The following PDHX variants were observed in gnomAD, a reference collection of about 807,000 sequenced individuals.
PDHX encodes pyruvate dehydrogenase complex component X, also known as pyruvate dehydrogenase protein X component, mitochondrial.
A neutral mutation model predicts 55.3 loss-of-function variants in PDHX; 33 were observed. The ratio of observed to expected loss-of-function variants is 0.60; its 90% CI spans 0.45 to 0.80. The LOEUF is 0.80. Ranked by LOEUF, PDHX falls within the 30% of genes least tolerant of loss-of-function variation. The pLI, the probability that PDHX is intolerant of heterozygous loss-of-function variation, is 0.00. For missense variants in PDHX, 622 were observed against 619.9 expected, an observed-to-expected ratio of 1.00 and a Z score of -0.04; for synonymous variants, 226 against 219.4, an observed-to-expected ratio of 1.03 and a Z score of -0.27.
rs904639983 is a variant in PDHX, at chr11:34,948,071, G to A, written c.342+465G>A. ...AAAAGTTCTGCCAGTTATTAGTTAC[G>A]TAATGATAAGCAAATTCTTCATCCC... On this transcript the variant is annotated intron_variant, in intron 3 of 10. Coordinates refer to ENST00000227868, the MANE Select transcript of PDHX (RefSeq NM_003477.3). 2.6e-4 allele frequency among the ~76,000 whole-genome samples: 39 copies of A among 152,250 alleles called. 1 individual carries two copies. Among genetic ancestry groups the A allele is most frequent in the African/African-American group, 7.7e-4 (32 of 41,546 alleles).
At chr11:34,981,462 T>C (rs1190349361) in intron 8 of PDHX, among the ~76,000 whole-genome samples, 27 of 152,158 alleles carry the variant, frequency 1.8e-4, no homozygotes, top group Admixed American at 7.2e-4. Flanking sequence ...AATAAACATA[T>C]GTGTGCATGT....
chr11:34,994,954 G>A lies in PDHX; in HGVS notation c.1288G>A (p.Ala430Thr), dbSNP rs369989142. 44 of 1,613,796 alleles carry A rather than the reference G, an allele frequency of 2.7e-5. No individual in the cohort carries two copies. Among genetic ancestry groups the A allele is most frequent in the Admixed American group, 8.3e-5 (5 of 59,972 alleles). Residue 430 changes from alanine (A) to threonine (T), a missense_variant, in exon 11 of 11, where the codon GCA (alanine) becomes ACA (threonine). By Grantham distance (58) the Ala-to-Thr change is moderately conservative. Coordinates refer to ENST00000227868, the MANE Select transcript of PDHX (RefSeq NM_003477.3). ...LGMFGIDEFT[A>T]VINPPQACIL... The stretch of plus-strand genomic sequence containing the variant: ...GATGTTTGGCATCGACGAATTTACT[G>A]CAGTGATTAACCCTCCTCAGGCCTG...
At chr11:34,968,100 A>G (rs574807729) in intron 6 of PDHX, among the ~76,000 whole-genome samples, 1 of 152,096 alleles carries the variant, frequency 6.6e-6, no homozygotes, top group Non-Finnish European at 1.5e-5. Context: ...GTGAGACCTC[A>G]TCTCTACAAA....
chr11:34,916,192 C>G (rs1287508126), upstream of PDHX: 2 of 1,599,506 alleles, frequency 1.3e-6, no homozygotes, highest in Admixed American at 1.7e-5. Context: ...GGCCTCTCCT[C>G]CTGGGAATAC....
At chr11:34,991,035 C>T (rs192898523) in intron 9 of PDHX, among the ~76,000 whole-genome samples, 2 of 152,258 alleles carry the variant, frequency 1.3e-5, no homozygotes, top group Admixed American at 1.3e-4. Flanking sequence ...TATGATGACT[C>T]AACCTCTGTT....
rs113626065 is a variant in PDHX at position 34,947,815 on chromosome 11, C to T, written c.342+209C>T. Among the ~76,000 whole-genome samples the T allele has an allele frequency of 3.0e-3, 452 of 151,956 alleles. 2 individuals carry two copies. Among genetic ancestry groups the T allele is most frequent in the African/African-American group, 0.01 (426 of 41,432 alleles). On this transcript the variant is annotated intron_variant, in intron 3 of 10. Coordinates refer to ENST00000227868, the MANE Select transcript of PDHX (RefSeq NM_003477.3). ...TATTTTCTAAATTTTCTGTAATGTGCGTTATTTTTATAATGGAATATTAGA... is the reference window on the plus strand; with the variant it reads ...TATTTTCTAAATTTTCTGTAATGTGTGTTATTTTTATAATGGAATATTAGA...
intron 2 of PDHX, among the ~76,000 whole-genome samples, chr11:34,933,041 A>G (rs1207531743): frequency 1.3e-5 from 2 of 152,228 alleles, no homozygotes; most frequent in Admixed American, 6.5e-5. Flanking sequence ...AAAGGATAAA[A>G]TAAAACTTTA....
chr11:34,967,888 T>C (rs541384335), intron 6 of PDHX, among the ~76,000 whole-genome samples: 6 of 152,206 alleles, frequency 3.9e-5, no homozygotes, highest in Non-Finnish European at 7.3e-5. Context: ...TAAGATACTA[T>C]GTATATTGAG....
intron 2 of PDHX, among the ~76,000 whole-genome samples, chr11:34,934,904 A>G (rs1006442714): frequency 2.0e-5 from 3 of 148,262 alleles, no homozygotes; most frequent in Non-Finnish European, 3.0e-5. Flanking sequence ...TTAAAGGTTT[A>G]ATAATATTTT....
At chr11:34,924,268 G>A (rs1565147535) in intron 1 of PDHX, among the ~76,000 whole-genome samples, 1 of 152,092 alleles carries the variant, frequency 6.6e-6, no homozygotes, top group African/African-American at 2.4e-5. Context: ...TTTAGATGGA[G>A]CCTTACTCTG....
intron 8 of PDHX, among the ~76,000 whole-genome samples, chr11:34,979,616 AATT>A (rs1855461442): frequency 6.6e-6 from 1 of 152,184 alleles, no homozygotes; most frequent in Non-Finnish European, 1.5e-5. Flanking sequence ...AGCAGTATCT[AATT>A]ATTCATATAA....
chr11:34,940,292 A>AT (rs1854443173), intron 2 of PDHX, among the ~76,000 whole-genome samples: 1 of 152,092 alleles, frequency 6.6e-6, no homozygotes, highest in Admixed American at 6.6e-5. Flanking sequence ...GAGACAAGGG[A>AT]TTTTTTTGTA....
chr11:34,992,022 A>T (rs376024235), intron 9 of PDHX, among the ~76,000 whole-genome samples: 6 of 151,992 alleles, frequency 3.9e-5, no homozygotes, highest in Non-Finnish European at 8.8e-5. Context: ...TTTTGCATAT[A>T]GGAAACTCTA....
At chr11:34,955,028 A>G (rs532590360) in intron 3 of PDHX, among the ~76,000 whole-genome samples, 4 of 152,330 alleles carry the variant, frequency 2.6e-5, no homozygotes, top group African/African-American at 9.6e-5. Context: ...CTCTAAGTTG[A>G]TAGAGCTATG....
intron 7 of PDHX, among the ~76,000 whole-genome samples, chr11:34,973,815 A>G (rs1855304898): frequency 6.6e-6 from 1 of 152,162 alleles, no homozygotes; most frequent in Non-Finnish European, 1.5e-5. Flanking sequence ...AAAATGAGGG[A>G]AAAAATGTCT....
chr11:34,937,992 T>C (rs2133953129), intron 2 of PDHX, among the ~76,000 whole-genome samples: 1 of 152,324 alleles, frequency 6.6e-6, no homozygotes, highest in Admixed American at 6.5e-5. Context: ...TCCCAAGAAC[T>C]TCAGTTAATT....
chr11:34,976,201 AC>A (rs1855367246), intron 7 of PDHX, among the ~76,000 whole-genome samples: 1 of 152,102 alleles, frequency 6.6e-6, no homozygotes, highest in Non-Finnish European at 1.5e-5. Flanking sequence ...AAATCTTTAC[AC>A]CCCACATTAT....
intron 7 of PDHX, among the ~76,000 whole-genome samples, chr11:34,977,520 A>T (rs1855405325): frequency 6.6e-6 from 1 of 152,122 alleles, no homozygotes; most frequent in Admixed American, 6.6e-5. Flanking sequence ...GCATTGCTTC[A>T]TCTTTGGCTT....
chr11:34,987,539 C>T (rs2767044), intron 9 of PDHX, among the ~76,000 whole-genome samples: 90,945 of 151,708 alleles, frequency 0.6, 28,770 homozygotes, highest in East Asian at 0.75. Context: ...GATCTGAGCT[C>T]CTGCAAAATT....
Sources: gnomAD v4.1 joint callset for allele counts (sites outside exome capture counted in the v4.1 genomes callset) on GRCh38, gnomAD v4.1.1 for gene constraint, MANE v1.5 for transcripts, NCBI Gene and HGNC (gene_info 2026-07-23, HGNC 2026-07-21) for gene names.